CDH4: variants seen among roughly 807,000 people sequenced by gnomAD.
CDH4 encodes the protein cadherin 4.
Under a neutral mutation model 86.0 loss-of-function variants are expected in CDH4, and 33 were observed. That is an observed-to-expected ratio of 0.38 (90% CI 0.29 to 0.51). CDH4 has a LOEUF of 0.51. Among genes scored for constraint, CDH4 ranks in the 20% least tolerant of loss-of-function variants. The pLI, the probability that CDH4 is intolerant of heterozygous loss-of-function variation, is 0.86. For synonymous variants in CDH4, 555 were observed against 549.4 expected (o/e 1.01, Z -0.14); for missense variants, 1,114 against 1,307.4 (o/e 0.85, Z 2.28).
chr20:61,610,994 C>T, intron 2 of CDH4, among the ~76,000 whole-genome samples: 1 of 151,276 alleles, frequency 6.6e-6, no homozygotes. Context: ...GGCCATGCCT[C>T]CCAGCAGGTC....
chr20:61,455,390 T>C (rs1486716262), intron 2 of CDH4, among the ~76,000 whole-genome samples: 1 of 152,214 alleles, frequency 6.6e-6, no homozygotes, highest in Non-Finnish European at 1.5e-5. Context: ...TCAGTGTGCC[T>C]GTGGGTTGTG....
chr20:61,934,717 G>GCCCCCCCCCCCCCCCCCCC (rs200122965), intron 15 of CDH4, among the ~76,000 whole-genome samples: 3 of 148,680 alleles, frequency 2.0e-5, no homozygotes, highest in African/African-American at 5.1e-5. Context: ...AGGCCAACTT[G>GCCCCCCCCCCCCCCCCCCC]CCCCCCCTCC....
chr20:61,483,672 C>CT lies in CDH4; in HGVS notation c.169+228735_169+228736insT, dbSNP rs2085580220. 2.4e-5 allele frequency among the ~76,000 whole-genome samples: 3 copies of CT among 126,802 alleles called. 1 individual carries two copies. Among genetic ancestry groups the CT allele is most frequent in the African/African-American group, 1.1e-4 (3 of 26,164 alleles). 83.2% of individuals were successfully genotyped at this position (126,802 alleles called of 152,430 possible). A position where few individuals can be genotyped will look rare whatever the true frequency, so the allele number is the denominator to read the frequency against. On this transcript the variant is annotated intron_variant, in intron 2 of 15. Coordinates refer to ENST00000614565, the MANE Select transcript of CDH4 (RefSeq NM_001794.5). ...TGGTGGAGAGGAGCACCAGCACCCGCCCCCCCCGCCCCGCCCCCGCTGCCC... is the reference window on the plus strand; with the variant it reads ...TGGTGGAGAGGAGCACCAGCACCCGCTCCCCCCCGCCCCGCCCCCGCTGCCC...
chr20:61,436,105 C>T (rs6061977), intron 2 of CDH4, among the ~76,000 whole-genome samples: 5,281 of 152,212 alleles, frequency 0.035, 286 homozygotes, highest in African/African-American at 0.12. Flanking sequence ...TCAGCTGTCA[C>T]TTCCCAGTGG....
chr20:61,692,219 ATGTGTGTATG>A (rs1198054621), intron 2 of CDH4, among the ~76,000 whole-genome samples: 82 of 146,278 alleles, frequency 5.6e-4, no homozygotes, highest in African/African-American at 1.9e-3. Context: ...CTATGTATGT[ATGTGTGTATG>A]TGTGTGTATG....
intron 4 of CDH4, among the ~76,000 whole-genome samples, chr20:61,774,084 C>T (rs769378346): frequency 1.8e-4 from 27 of 152,314 alleles, no homozygotes; most frequent in Non-Finnish European, 3.8e-4. Context: ...TGAGTGAATG[C>T]AGTGTGCCTC....
chr20:61,847,913 G>A (rs909979982), intron 5 of CDH4, among the ~76,000 whole-genome samples: 5 of 152,174 alleles, frequency 3.3e-5, no homozygotes, highest in African/African-American at 9.7e-5. Context: ...CCACCCCCAT[G>A]ATCCAAACAC....
Position 61,684,345 on chromosome 20 carries a change from G to A in CDH4, c.170-59218G>A, listed in dbSNP as rs1260572968. 1.3e-5 allele frequency among the ~76,000 whole-genome samples: 2 copies of A among 152,208 alleles called. No individual in the cohort carries two copies. Among genetic ancestry groups the A allele is most frequent in the African/African-American group, 4.8e-5 (2 of 41,462 alleles). On this transcript the variant is annotated intron_variant, in intron 2 of 15. Transcript: ENST00000614565. The surrounding 1 kb of genome is among the most constrained non-coding windows in gnomAD (Gnocchi z 4.5). ...AGAGCAGGGGGGCCGCCCAGCTAAG[G>A]AAGCAGCAAGCGCGGAGCACGTGGC...
chr20:61,891,394 C>T (rs1046914264), intron 7 of CDH4, among the ~76,000 whole-genome samples: 2 of 152,206 alleles, frequency 1.3e-5, no homozygotes, highest in Non-Finnish European at 2.9e-5. Context: ...ACAGCCTCCC[C>T]CTGGAACCCT....
At position 61,676,855 on chromosome 20, in the gene CDH4, T is replaced by C. The variant is rs1600864458; in HGVS notation, c.170-66708T>C. Among the ~76,000 whole-genome samples, 1 of 152,238 alleles carries C rather than the reference T, an allele frequency of 6.6e-6. No homozygotes were observed. Among genetic ancestry groups the C allele is most frequent in the East Asian group, 1.9e-4 (1 of 5,178 alleles). On this transcript the variant is annotated intron_variant, in intron 2 of 15. Transcript: ENST00000614565. This position sits in a 1 kb window ranked among gnomAD's most constrained non-coding sequence, Gnocchi z 4.5. ...AAGGGGAGGTCAGGGGAGGCCTGGC[T>C]GGGTGGCCTTTGCCAGGGGAGGCCT...
rs567743671 is a variant in CDH4 at position 61,712,764 on chromosome 20, G to T, written c.170-30799G>T. ...ATTCAGAGGGGCAGCCCCCATCACG[G>T]AAGGCTCCCCATGCCCAGCCTCATG... On this transcript the variant is annotated intron_variant, in intron 2 of 15. Coordinates refer to ENST00000614565, the MANE Select transcript of CDH4 (RefSeq NM_001794.5). 4.6e-5 allele frequency among the ~76,000 whole-genome samples: 7 copies of T among 152,302 alleles called. No individual in the cohort carries two copies. The East Asian group carries it at 1.2e-3, about 25-fold the overall frequency.
rs571611795 is a variant in CDH4, at chr20:61,317,538, A to G, written c.169+62601A>G. On this transcript the variant is annotated intron_variant, in intron 2 of 15. Coordinates refer to ENST00000614565, the MANE Select transcript of CDH4 (RefSeq NM_001794.5). ...GTGCCTGCCAAAGCCTGCATTCACC[A>G]TTGCTCCAGACCAGGTTTCCTGACG... is the stretch of plus-strand genomic sequence containing the variant. 2.8e-4 allele frequency among the ~76,000 whole-genome samples: 43 copies of G among 152,122 alleles called. 1 individual carries two copies. The highest frequency in any genetic ancestry group is 1.7e-3 in the Admixed American group (26 of 15,290).
At chr20:61,739,447 G>A (rs1333034705) in intron 2 of CDH4, among the ~76,000 whole-genome samples, 3 of 152,186 alleles carry the variant, frequency 2.0e-5, no homozygotes, top group Non-Finnish European at 4.4e-5. Flanking sequence ...GAGGACATGG[G>A]AATCCCAGGT....
At chr20:61,383,337 T>TG (rs372865692) in intron 2 of CDH4, among the ~76,000 whole-genome samples, 2 of 49,364 alleles carry the variant, frequency 4.1e-5, no homozygotes, top group African/African-American at 2.1e-4. Context: ...TGAATATATG[T>TG]GATATATATG....
rs6061851 is a variant in CDH4 at position 61,829,072 on chromosome 20, C to T, written c.577-15596C>T. On this transcript the variant is annotated intron_variant, in intron 4 of 15. Transcript: ENST00000614565. This position sits in a 1 kb window ranked among gnomAD's most constrained non-coding sequence, Gnocchi z 4.2. ...GGAGGCTCTGGCAGTCATGCTCGCC[C>T]GGCCACCACTCACCTCCAGCTGTGC... Among the ~76,000 whole-genome samples the T allele has an allele frequency of 0.37, 55,934 of 152,070 alleles. 10,659 individuals are homozygous for T. The highest frequency in any genetic ancestry group is 0.62 in the East Asian group (3,173 of 5,148).
At chr20:61,346,518 C>A (rs915044495) in intron 2 of CDH4, among the ~76,000 whole-genome samples, 4 of 151,980 alleles carry the variant, frequency 2.6e-5, no homozygotes, top group African/African-American at 9.7e-5. Flanking sequence ...CTGAGGCAGG[C>A]GGATCACCTG....
rs1386315618 is a variant in CDH4, at chr20:61,809,197, C to T, written c.577-35471C>T. ...GTGTCCTTTTCTTGTACTATTCAGA[C>T]GTGTTTCTAGGAAGGACGTGCTGTC... On this transcript the variant is annotated intron_variant, in intron 4 of 15. Coordinates refer to ENST00000614565, the MANE Select transcript of CDH4 (RefSeq NM_001794.5). 4.6e-5 allele frequency among the ~76,000 whole-genome samples: 7 copies of T among 152,264 alleles called. 1 individual carries two copies. Among genetic ancestry groups the T allele is most frequent in the South Asian group, 2.1e-4 (1 of 4,822 alleles).
chr20:61,925,293 C>T (rs144505341), intron 11 of CDH4, among the ~76,000 whole-genome samples: 61 of 152,312 alleles, frequency 4.0e-4, no homozygotes, highest in African/African-American at 1.3e-3. Flanking sequence ...ACGGGTCGCA[C>T]GCTCTCAGAG....
At chr20:61,690,163 A>G (rs763494151) in intron 2 of CDH4, among the ~76,000 whole-genome samples, 22 of 138,956 alleles carry the variant, frequency 1.6e-4, no homozygotes, top group African/African-American at 5.8e-4. Flanking sequence ...GTGGTCATCC[A>G]GTGGGGACAG....
Sources: gnomAD v4.1 joint callset for allele counts (sites outside exome capture counted in the v4.1 genomes callset) on GRCh38, gnomAD v4.1.1 for gene constraint, Gnocchi (gnomAD v3.1) non-coding constraint, MANE v1.5 for transcripts, NCBI Gene and HGNC (gene_info 2026-07-23, HGNC 2026-07-21) for gene names.